Variants in RASSF8 observed in about 807,000 individuals in gnomAD.
The protein encoded by RASSF8 is ras association domain-containing protein 8.
In RASSF8, 22 loss-of-function variants were observed where a neutral mutation model predicts 48.5. The observed-to-expected ratio is 0.45, with a 90% CI of 0.32 to 0.65. RASSF8 has a LOEUF of 0.65. Ranked by LOEUF, RASSF8 falls within the 30% of genes least tolerant of loss-of-function variation. The probability of loss-of-function intolerance (pLI) is 0.03; values close to 1 mark genes in which losing one functional copy is unlikely to be tolerated. For synonymous variants in RASSF8, 127 were observed against 171.5 expected, an observed-to-expected ratio of 0.74 and a Z score of 2.03; for missense variants, 418 against 489.2, an observed-to-expected ratio of 0.85 and a Z score of 1.37.
At chr12:26,048,618 C>T (rs16929960) in intron 2 of RASSF8, among the ~76,000 whole-genome samples, 16,457 of 152,144 alleles carry the variant, frequency 0.11, 944 homozygotes, top group Middle Eastern at 0.16. Context: ...TCCATTCATT[C>T]CTTTGCACTA....
intron 2 of RASSF8, among the ~76,000 whole-genome samples, chr12:26,022,311 G>A (rs1942805266): frequency 6.6e-6 from 1 of 152,190 alleles, no homozygotes; most frequent in Admixed American, 6.5e-5. Flanking sequence ...GCTTCACGCT[G>A]CAGGAGAAAT....
At chr12:26,060,840 T>C (rs775172222) in intron 3 of RASSF8, among the ~76,000 whole-genome samples, 2 of 152,220 alleles carry the variant, frequency 1.3e-5, no homozygotes, top group Non-Finnish European at 2.9e-5. Flanking sequence ...GTTACTGACA[T>C]TATTTCTCAT....
chr12:26,046,576 G>GCTAT (rs551064430), intron 2 of RASSF8, among the ~76,000 whole-genome samples: 163 of 152,312 alleles, frequency 1.1e-3, no homozygotes, highest in Non-Finnish European at 1.9e-3. Context: ...GTGGCTCAGG[G>GCTAT]CTATAATCCC....
At chr12:26,055,500 T>C in intron 3 of RASSF8, 54 bp downstream of exon 3, 1 of 1,402,984 alleles carries the variant, frequency 7.1e-7, no homozygotes, top group Non-Finnish European at 1.0e-6. Context: ...TCTTTCGTTG[T>C]ATGTGTTTGT....
Position 26,072,464 on chromosome 12 carries a change from AC to A in RASSF8, c.*3647del. ...TTTAGAAACCAAATAAATGCAGAAAACTATTTCGTATACTAATTATATTAAA... is the reference window on the plus strand; with the variant it reads ...TTTAGAAACCAAATAAATGCAGAAAATATTTCGTATACTAATTATATTAAA... On this transcript the variant is annotated 3_prime_UTR_variant, in exon 6 of 6. Coordinates refer to ENST00000689635, the MANE Select transcript of RASSF8 (RefSeq NM_001394098.1). 2.1e-6 allele frequency: 2 copies of A among 964,940 alleles called. No individual in the cohort carries two copies. Among genetic ancestry groups the A allele is most frequent in the South Asian group, 9.6e-5 (2 of 20,842 alleles). 59.8% of individuals were successfully genotyped at this position (964,940 alleles called of 1,614,324 possible).
intron 1 of RASSF8, among the ~76,000 whole-genome samples, chr12:25,990,910 T>TACAC (rs143406226): frequency 1.3e-5 from 2 of 151,342 alleles, no homozygotes; most frequent in East Asian, 1.9e-4. Flanking sequence ...CCTAAAAAAA[T>TACAC]ACACACACAC....
At chr12:26,074,488 G>A (rs1402944864), downstream of RASSF8, among the ~76,000 whole-genome samples, 3 of 151,520 alleles carry the variant, frequency 2.0e-5, no homozygotes, top group South Asian at 2.1e-4. Flanking sequence ...GATTACAGGC[G>A]TCCGCCACCA....
chr12:25,963,321 CAAAAAAA>C (rs61607517), intron 1 of RASSF8, among the ~76,000 whole-genome samples: 4 of 96,174 alleles, frequency 4.2e-5, no homozygotes, highest in African/African-American at 1.6e-4. Context: ...TTGTTTTAGC[CAAAAAAA>C]AAAAAAAAAA....
intron 2 of RASSF8, chr12:26,052,632 G>A (rs1404840668): frequency 6.6e-6 from 1 of 152,080 alleles, no homozygotes; most frequent in Non-Finnish European, 1.5e-5. Context: ...CTCTAGTCTG[G>A]TTCTGGGGCT....
At chr12:26,020,635 T>C (rs1027455345) in intron 2 of RASSF8, 1 of 152,090 alleles carries the variant, frequency 6.6e-6, no homozygotes, top group Non-Finnish European at 1.5e-5. Flanking sequence ...AACAAAATTA[T>C]GCAGCCGTTG....
chr12:26,038,807 C>T (rs576373837), intron 2 of RASSF8, among the ~76,000 whole-genome samples: 69 of 152,194 alleles, frequency 4.5e-4, no homozygotes, highest in African/African-American at 1.6e-3. Context: ...AATTTTATTG[C>T]CCTGATAAAT....
chr12:26,057,353 C>T (rs1024552172), intron 3 of RASSF8, among the ~76,000 whole-genome samples: 4 of 152,148 alleles, frequency 2.6e-5, no homozygotes, highest in Admixed American at 2.0e-4. Flanking sequence ...GTTCAGTTCC[C>T]ACCTATGAGT....
At chr12:25,977,721 A>C (rs1941641234) in intron 1 of RASSF8, among the ~76,000 whole-genome samples, 1 of 152,148 alleles carries the variant, frequency 6.6e-6, no homozygotes, top group Non-Finnish European at 1.5e-5. Context: ...TGATTTTGCC[A>C]ACAGTTACCA....
intron 2 of RASSF8, among the ~76,000 whole-genome samples, chr12:26,054,062 T>C (rs1337610789): frequency 6.6e-6 from 1 of 152,222 alleles, no homozygotes; most frequent in South Asian, 2.1e-4. Flanking sequence ...CCATTAATTC[T>C]GAAATACCAG....
intron 1 of RASSF8, among the ~76,000 whole-genome samples, chr12:25,961,318 G>A (rs1175427887): frequency 1.3e-5 from 2 of 152,160 alleles, no homozygotes; most frequent in Non-Finnish European, 2.9e-5. Flanking sequence ...TCTTGCTAGT[G>A]TTCAAAACAT....
rs977082894 is a variant in RASSF8, at chr12:26,072,734, A to G, written c.*3916A>G. 3.2e-6 allele frequency: 3 copies of G among 950,564 alleles called. No individual in the cohort carries two copies. The highest frequency in any genetic ancestry group is 4.9e-5 in the South Asian group (1 of 20,534). 58.9% of individuals were successfully genotyped at this position (950,564 alleles called of 1,614,324 possible). On this transcript the variant is annotated 3_prime_UTR_variant, in exon 6 of 6. Transcript: ENST00000689635. ...TTGCTTATGTACAAATAAATCTGTAATATGTATTATATGTAATTATCCTTT... is the reference window on the plus strand; with the variant it reads ...TTGCTTATGTACAAATAAATCTGTAGTATGTATTATATGTAATTATCCTTT...
At chr12:25,995,838 T>C (rs917478617) in intron 2 of RASSF8, among the ~76,000 whole-genome samples, 1 of 152,176 alleles carries the variant, frequency 6.6e-6, no homozygotes, top group African/African-American at 2.4e-5. Flanking sequence ...TTCTTCACAC[T>C]TTACAGGTAA....
At chr12:26,048,913 C>T (rs1278686520) in intron 2 of RASSF8, among the ~76,000 whole-genome samples, 1 of 152,014 alleles carries the variant, frequency 6.6e-6, no homozygotes, top group African/African-American at 2.4e-5. Flanking sequence ...ACCACCATAC[C>T]CAGCTAATTT....
chr12:25,971,949 C>G (rs2136866120), intron 1 of RASSF8, among the ~76,000 whole-genome samples: 1 of 152,308 alleles, frequency 6.6e-6, no homozygotes. Context: ...TCCTGGAAAG[C>G]AGGATCCATA....
Sources: allele counts gnomAD v4.1 joint callset (sites outside exome capture counted in the v4.1 genomes callset), GRCh38; gene constraint gnomAD v4.1.1; transcripts MANE v1.5; gene names NCBI Gene and HGNC (gene_info 2026-07-23, HGNC 2026-07-21).